TRMT44: variants seen among roughly 807,000 people sequenced by gnomAD.
The protein encoded by TRMT44 is tRNA methyltransferase 44 homolog, also known as probable tRNA (uracil-O(2)-)-methyltransferase.
TRMT44 carries 78 observed loss-of-function variants against 77.3 expected under a neutral mutation model. That is an observed-to-expected ratio of 1.01 (90% confidence interval 0.84 to 1.22). The LOEUF (loss-of-function observed/expected upper bound fraction) is 1.22. TRMT44 is among the 50% of genes most tolerant of loss of function. The pLI, the probability that TRMT44 is intolerant of heterozygous loss-of-function variation, is 0.00. For synonymous variants in TRMT44, 391 were observed against 383.3 expected, an observed-to-expected ratio of 1.02 and a Z score of -0.23; for missense variants, 1,090 against 964.4, an observed-to-expected ratio of 1.13 and a Z score of -1.73.
rs1425306533 is a variant in TRMT44 at position 8,454,524 on chromosome 4, CT to C, written c.1132-217del. ...CACCAGACTGGGCTGCAGGTTCCAG[CT>C]GTTGCTGCTAGCAGGAAGTGGCTAA... On this transcript the variant is annotated intron_variant, in intron 5 of 10. Coordinates refer to ENST00000389737, the MANE Select transcript of TRMT44 (RefSeq NM_152544.3). The C allele has an allele frequency of 8.1e-5, 48 of 592,250 alleles. No individual in the cohort carries two copies. The South Asian group carries it at 9.5e-4, about 12-fold the overall frequency. The allele number at this position is 592,250 out of a possible 1,614,324, so 36.7% of individuals were successfully genotyped here. A position where few individuals can be genotyped will look rare whatever the true frequency, so the allele number is the denominator to read the frequency against.
At chr4:8,514,834 C>A in the TRMT44 span, among the ~76,000 whole-genome samples, 1 of 152,252 alleles carries the variant, frequency 6.6e-6, no homozygotes, top group African/African-American at 2.4e-5. Context: ...CCCCCAAGCT[C>A]AGGCCCACAT....
chr4:8,502,598 T>G, the TRMT44 span, among the ~76,000 whole-genome samples: 2 of 152,190 alleles, frequency 1.3e-5, no homozygotes, highest in Non-Finnish European at 2.9e-5. Context: ...CAGTATTCGA[T>G]TCCTTGCTGG....
At chr4:8,478,948 A>AC (rs1244360693), downstream of TRMT44, 2 of 152,106 alleles carry the variant, frequency 1.3e-5, no homozygotes, top group African/African-American at 4.8e-5. Flanking sequence ...AGCCCCTTGG[A>AC]CTGGTGCTGG....
At chr4:8,487,397 C>T (rs1162099409) in intron 2 of TRMT44, among the ~76,000 whole-genome samples, 1 of 151,722 alleles carries the variant, frequency 6.6e-6, no homozygotes, top group Non-Finnish European at 1.5e-5. Flanking sequence ...TCTTACCCTC[C>T]AGAAAAGCGG....
At chr4:8,484,126 G>T (rs1256941930) in intron 2 of TRMT44, among the ~76,000 whole-genome samples, 2 of 152,198 alleles carry the variant, frequency 1.3e-5, no homozygotes, top group Non-Finnish European at 2.9e-5. Flanking sequence ...TTGCTGGTGT[G>T]TGGCGATTAG....
intron 6 of TRMT44, among the ~76,000 whole-genome samples, 153 bp from the exon 7 acceptor site, chr4:8,463,832 T>TCCCCGCTCTTC (rs1726332922): frequency 6.6e-6 from 1 of 152,014 alleles, no homozygotes; most frequent in African/African-American, 2.4e-5. Context: ...TACATTGACT[T>TCCCCGCTCTTC]CCCCGCTCTT....
At chr4:8,456,242 G>A (rs2109120749) in intron 6 of TRMT44, among the ~76,000 whole-genome samples, 1 of 152,340 alleles carries the variant, frequency 6.6e-6, no homozygotes, top group Admixed American at 6.5e-5. Flanking sequence ...CAATTAAAAT[G>A]CTGTGTGACA....
chr4:8,488,036 G>C (rs1215850593), intron 2 of TRMT44, among the ~76,000 whole-genome samples: 1 of 152,196 alleles, frequency 6.6e-6, no homozygotes, highest in African/African-American at 2.4e-5. Context: ...ATTGAAGTGT[G>C]GTGCCAAGAT....
intron 2 of TRMT44, among the ~76,000 whole-genome samples, chr4:8,481,794 C>G (rs1429819579): frequency 6.6e-6 from 1 of 152,242 alleles, no homozygotes; most frequent in Non-Finnish European, 1.5e-5. Context: ...ATCAGAAGGT[C>G]TTTAGGGGAC....
the TRMT44 span, among the ~76,000 whole-genome samples, chr4:8,513,586 A>G: frequency 2.0e-5 from 3 of 152,256 alleles, no homozygotes; most frequent in African/African-American, 7.2e-5. Context: ...GCCACCATGG[A>G]GAATAAACAG....
chr4:8,505,062 T>G, the TRMT44 span, among the ~76,000 whole-genome samples: 20 of 152,270 alleles, frequency 1.3e-4, no homozygotes, highest in Admixed American at 6.5e-4. Context: ...ACAGCTGATC[T>G]GTCCTTTCTC....
At chr4:8,475,053 CCAGAGCT>C (rs1045059871) in intron 10 of TRMT44, among the ~76,000 whole-genome samples, 1 of 152,210 alleles carries the variant, frequency 6.6e-6, no homozygotes, top group African/African-American at 2.4e-5. Flanking sequence ...TGTTCCTGTT[CCAGAGCT>C]CATTGGCCTC....
chr4:8,449,727 C>G lies in TRMT44; in HGVS notation c.793C>G (p.Pro265Ala). ...ATGGCATTCAGATGGAATCGTGTAT[C>G]CCAAACCCACGTGGCTTGGAGAAGA... ...ERWHSDGIVY[P>A]KPTWLGEELL... is the part of the protein sequence containing the mutation. The change falls in exon 3 of 11, where the codon CCC (proline) becomes GCC (alanine). Residue 265 changes from proline (P) to alanine (A), a missense_variant. Pro to Ala is a conservative substitution (Grantham distance 27, BLOSUM62 -1). Coordinates refer to ENST00000389737, the MANE Select transcript of TRMT44 (RefSeq NM_152544.3). The G allele has an allele frequency of 6.5e-7, 1 of 1,535,980 alleles. No individual in the cohort carries two copies. The highest frequency in any genetic ancestry group is 8.7e-7 in the Non-Finnish European group (1 of 1,146,892).
chr4:8,506,589 C>G, the TRMT44 span, among the ~76,000 whole-genome samples: 2 of 152,220 alleles, frequency 1.3e-5, no homozygotes, highest in African/African-American at 2.4e-5. Flanking sequence ...CCCTTCCCCC[C>G]TCAGCCTGGG....
At chr4:8,490,028 A>G (rs1185737510) in intron 2 of TRMT44, among the ~76,000 whole-genome samples, 4 of 152,288 alleles carry the variant, frequency 2.6e-5, no homozygotes, top group South Asian at 2.1e-4. Context: ...TCTGACACCC[A>G]TGGCTCCACT....
intron 2 of TRMT44, among the ~76,000 whole-genome samples, chr4:8,448,091 G>A (rs1210180266): frequency 1.3e-5 from 2 of 152,114 alleles, no homozygotes; most frequent in South Asian, 2.1e-4. Context: ...TACTGAGGAC[G>A]TGGCTGCTGC....
Position 8,468,003 on chromosome 4 carries a change from G to A in TRMT44, c.1584G>A (p.Arg528=), listed in dbSNP as rs373625797. ...EKRTQYIKSR[R]GCPVSPPGWE... ...GGACTCAGTACATTAAGAGCAGGCG[G>A]GGCTGCCCTGTAAGCCCACCTGGCT... The change falls in exon 9 of 11, where the codon CGG becomes CGA. Residue 528 remains arginine, a synonymous_variant. Transcript: ENST00000389737. 1.2e-6 allele frequency: 2 copies of A among 1,614,092 alleles called. No individual in the cohort carries two copies. The highest frequency in any genetic ancestry group is 2.2e-5 in the South Asian group (2 of 91,084).
At chr4:8,457,034 A>G (rs1003966051) in intron 6 of TRMT44, among the ~76,000 whole-genome samples, 1 of 89,798 alleles carries the variant, frequency 1.1e-5, no homozygotes, top group Non-Finnish European at 2.2e-5. Context: ...CCCCCCAACT[A>G]TCTCTACAAA....
In TRMT44 at chr4:8,465,525, G is replaced by A. The variant is rs759709559; in HGVS notation, c.1458G>A (p.Val486=). 1.9e-6 allele frequency: 3 copies of A among 1,613,550 alleles called. No individual in the cohort carries two copies. In the East Asian group the frequency reaches 6.7e-5, roughly 36 times the overall value. Reference sequence around the variant, plus strand: ...TGGGCTTCACCTGTGGGTTTCACGTGGACGAAGACTGCCTCAGGATTCCTT... The same window carrying A: ...TGGGCTTCACCTGTGGGTTTCACGTAGACGAAGACTGCCTCAGGATTCCTT... ...KEVGFTCGFH[V]DEDCLRIPST... The change falls in exon 8 of 11, where the codon GTG becomes GTA. Residue 486 remains valine, a synonymous_variant. Coordinates refer to ENST00000389737, the MANE Select transcript of TRMT44 (RefSeq NM_152544.3).
Sources: gnomAD v4.1 joint callset for allele counts (sites outside exome capture counted in the v4.1 genomes callset) on GRCh38, gnomAD v4.1.1 for gene constraint, MANE v1.5 for transcripts, NCBI Gene and HGNC (gene_info 2026-07-23, HGNC 2026-07-21) for gene names.